The following ATG4C variants were observed in gnomAD, a reference collection of about 807,000 sequenced individuals.
The protein encoded by ATG4C is autophagy related 4C cysteine peptidase.
A neutral mutation model predicts 57.6 loss-of-function variants in ATG4C; 56 were observed. The observed-to-expected ratio is 0.97, with a 90% CI of 0.78 to 1.21. The LOEUF is 1.21. ATG4C is among the 50% of genes most tolerant of loss of function. The probability of loss-of-function intolerance (pLI) is 0.00; values close to 1 mark genes in which losing one functional copy is unlikely to be tolerated. For missense variants in ATG4C, 595 were observed against 529.8 expected (o/e 1.12, Z -1.21); for synonymous variants, 157 against 174.1 (o/e 0.90, Z 0.78).
At chr1:62,834,183 T>A in intron 8 of ATG4C, 67 bp downstream of exon 8, 1 of 1,449,614 alleles carries the variant, frequency 6.9e-7, no homozygotes. Flanking sequence ...TAATATGAGA[T>A]CATCTGGAAA....
At chr1:62,848,455 T>C (rs1666394687) in intron 10 of ATG4C, among the ~76,000 whole-genome samples, 1 of 152,242 alleles carries the variant, frequency 6.6e-6, no homozygotes, top group Admixed American at 6.5e-5. Flanking sequence ...ACTTTCTTTA[T>C]TATTTCTTTT....
chr1:62,784,905 C>T (rs1270331998), intron 1 of ATG4C, among the ~76,000 whole-genome samples: 1 of 152,176 alleles, frequency 6.6e-6, no homozygotes, highest in Admixed American at 6.5e-5. Flanking sequence ...TGACTATATT[C>T]ATATATGAGA....
chr1:62,847,339 G>A lies in ATG4C; in HGVS notation c.1209+5792G>A, dbSNP rs149389858. On this transcript the variant is annotated intron_variant, in intron 10 of 10. Transcript: ENST00000317868. ...TGAATGTCTGTCTGGAGCTGGATAT[G>A]CAGTGGTAAACAAGATAGTTGTGAC... Among the ~76,000 whole-genome samples the A allele has an allele frequency of 6.4e-4, 97 of 152,324 alleles. 2 individuals carry two copies. Among genetic ancestry groups the A allele is most frequent in the African/African-American group, 2.1e-3 (88 of 41,578 alleles).
At chr1:62,788,645 T>C (rs1664166358) in intron 1 of ATG4C, among the ~76,000 whole-genome samples, 2 of 152,206 alleles carry the variant, frequency 1.3e-5, no homozygotes, top group African/African-American at 4.8e-5. Flanking sequence ...ATTCAACAAT[T>C]AGATTTTTCC....
At chr1:62,795,491 T>C (rs1196157224) in intron 1 of ATG4C, among the ~76,000 whole-genome samples, 2 of 152,208 alleles carry the variant, frequency 1.3e-5, no homozygotes, top group Non-Finnish European at 2.9e-5. Flanking sequence ...ACCTCATCTG[T>C]TAGCTTTACC....
At chr1:62,835,176 G>C (rs1386982711) in intron 9 of ATG4C, among the ~76,000 whole-genome samples, 1 of 146,122 alleles carries the variant, frequency 6.8e-6, no homozygotes, top group Non-Finnish European at 1.5e-5. Context: ...TAAAATGTAA[G>C]GCCTGTTTAA....
chr1:62,815,905 G>C (rs1665255898), intron 3 of ATG4C, among the ~76,000 whole-genome samples: 1 of 152,020 alleles, frequency 6.6e-6, no homozygotes, highest in Non-Finnish European at 1.5e-5. Context: ...GGCTGGTCTT[G>C]AACTCCTGAC....
intron 10 of ATG4C, among the ~76,000 whole-genome samples, chr1:62,854,882 G>T (rs1666636658): frequency 6.6e-6 from 1 of 152,102 alleles, no homozygotes; most frequent in African/African-American, 2.4e-5. Context: ...GTCTGCTCTA[G>T]CTCCAGGAGC....
intron 10 of ATG4C, among the ~76,000 whole-genome samples, chr1:62,846,204 C>T (rs192900840): frequency 1.1e-4 from 17 of 152,334 alleles, no homozygotes; most frequent in African/African-American, 4.1e-4. Context: ...GTTCATTCTA[C>T]TTGTCATAAG....
At chr1:62,789,813 T>C (rs1311209123) in intron 1 of ATG4C, among the ~76,000 whole-genome samples, 1 of 151,740 alleles carries the variant, frequency 6.6e-6, no homozygotes, top group Non-Finnish European at 1.5e-5. Flanking sequence ...CGAGACTCCG[T>C]CTCAAAAAAA....
At chr1:62,799,202 C>A (rs1334508640) in intron 1 of ATG4C, among the ~76,000 whole-genome samples, 1 of 152,168 alleles carries the variant, frequency 6.6e-6, no homozygotes. Context: ...CAGGTGTGAG[C>A]CACCACACCA....
chr1:62,803,628 C>G lies in ATG4C; in HGVS notation c.-68-91C>G, dbSNP rs1572104993. 9.8e-6 allele frequency: 4 copies of G among 407,168 alleles called. No individual in the cohort carries two copies. In the East Asian group the frequency reaches 1.5e-4, roughly 15 times the overall value. 25.2% of individuals were successfully genotyped at this position (407,168 alleles called of 1,614,324 possible). On this transcript the variant is annotated intron_variant, in intron 1 of 10. Transcript: ENST00000317868. Reference sequence around the variant, plus strand: ...TTGTTTTGTTCATTTGCAGTTCAAACTGTATTTAATCACTTAAGTAACTTT... The same window carrying G: ...TTGTTTTGTTCATTTGCAGTTCAAAGTGTATTTAATCACTTAAGTAACTTT...
At chr1:62,850,312 C>T (rs1037401930) in intron 10 of ATG4C, among the ~76,000 whole-genome samples, 8 of 152,076 alleles carry the variant, frequency 5.3e-5, no homozygotes, top group Admixed American at 1.3e-4. Context: ...CTCACATCTT[C>T]CTTGAGATTA....
chr1:62,787,468 T>G (rs1302939586), intron 1 of ATG4C, among the ~76,000 whole-genome samples: 2 of 152,228 alleles, frequency 1.3e-5, no homozygotes, highest in Non-Finnish European at 2.9e-5. Context: ...GGTACATACA[T>G]AAATATACAT....
intron 1 of ATG4C, among the ~76,000 whole-genome samples, chr1:62,786,760 TAAATC>T (rs1478621759): frequency 6.6e-6 from 1 of 152,104 alleles, no homozygotes; most frequent in Non-Finnish European, 1.5e-5. Flanking sequence ...GAGGCAGACA[TAAATC>T]AAATAGTCAA....
intron 6 of ATG4C, among the ~76,000 whole-genome samples, chr1:62,824,855 A>G (rs1315976176): frequency 1.3e-5 from 2 of 151,944 alleles, no homozygotes; most frequent in African/African-American, 4.8e-5. Context: ...TTTTATAGAG[A>G]TGAAGGTCTC....
rs1023142699 is a variant in ATG4C, at chr1:62,863,978, A to C, written c.1210-14A>C. ...TGCATCCAATAAGGAATTCTTCTAT[A>C]CTTTCTGTTACAGATGCTGAAATTT... On this transcript the variant is annotated splice_polypyrimidine_tract_variant and intron_variant, in intron 10 of 10. Coordinates refer to ENST00000317868, the MANE Select transcript of ATG4C (RefSeq NM_032852.4). 6.5e-7 allele frequency: 1 copy of C among 1,538,738 alleles called. No homozygotes were observed. The highest frequency in any genetic ancestry group is 1.4e-5 in the African/African-American group (1 of 71,698).
At chr1:62,848,540 GAAACA>G (rs1666396796) in intron 10 of ATG4C, among the ~76,000 whole-genome samples, 1 of 152,078 alleles carries the variant, frequency 6.6e-6, no homozygotes, top group Non-Finnish European at 1.5e-5. Flanking sequence ...TTTAAAAATG[GAAACA>G]ATAGCAAATT....
At chr1:62,801,382 AGT>A (rs1278583454) in intron 1 of ATG4C, among the ~76,000 whole-genome samples, 1 of 152,218 alleles carries the variant, frequency 6.6e-6, no homozygotes, top group Non-Finnish European at 1.5e-5. Context: ...ATATATCTAG[AGT>A]GTAAATTCCA....
Sources: allele counts gnomAD v4.1 joint callset (sites outside exome capture counted in the v4.1 genomes callset), GRCh38; gene constraint gnomAD v4.1.1; transcripts MANE v1.5; gene names NCBI Gene and HGNC (gene_info 2026-07-23, HGNC 2026-07-21).